The following RB1CC1 variants were observed in gnomAD, a reference collection of about 807,000 sequenced individuals.
RB1CC1 encodes the protein RB1 inducible coiled-coil 1, also known as RB1-inducible coiled-coil protein 1.
Under a neutral mutation model 177.5 loss-of-function variants are expected in RB1CC1, and 46 were observed. That is an observed-to-expected ratio of 0.26 (90% CI 0.20 to 0.33). The LOEUF is 0.33. Ranked by LOEUF, RB1CC1 falls within the 10% of genes least tolerant of loss-of-function variation. RB1CC1 has a pLI of 1.00. For synonymous variants in RB1CC1, 666 were observed against 613.6 expected (o/e 1.09, Z -1.26); for missense variants, 1,703 against 1,816.3 (o/e 0.94, Z 1.13).
At chr8:52,691,885 T>C (rs117499094) in intron 1 of RB1CC1, among the ~76,000 whole-genome samples, 1 of 152,218 alleles carries the variant, frequency 6.6e-6, no homozygotes, top group Non-Finnish European at 1.5e-5. Flanking sequence ...TTCCTCCACA[T>C]GTCCTAAGTA....
Position 52,660,979 on chromosome 8 carries a change from T to C in RB1CC1, c.1574A>G (p.Lys525Arg). Residue 525 changes from lysine to arginine, a missense_variant, in exon 11 of 24, where the codon AAG becomes AGG. Physicochemically the swap from Lys to Arg is conservative, Grantham distance 26. Coordinates refer to ENST00000025008, the MANE Select transcript of RB1CC1 (RefSeq NM_014781.5). ...TGATTTTTCTGCTTCATATAATCTC[T>C]TTCCATCTTTGACTAAAGCACCAGC... ...EWAGALVKDG[K>R]RLYEAEKSKR... 1 of 1,613,558 alleles carries C rather than the reference T, an allele frequency of 6.2e-7. No individual in the cohort carries two copies. The highest frequency in any genetic ancestry group is 8.5e-7 in the Non-Finnish European group (1 of 1,179,716).
At chr8:52,707,271 T>C (rs1386959821) in intron 1 of RB1CC1, among the ~76,000 whole-genome samples, 1 of 152,186 alleles carries the variant, frequency 6.6e-6, no homozygotes, top group Non-Finnish European at 1.5e-5. Context: ...ATGCTTCATA[T>C]TTCCAGCTGG....
chr8:52,641,162 T>C (rs1849537677), intron 18 of RB1CC1, among the ~76,000 whole-genome samples: 1 of 151,888 alleles, frequency 6.6e-6, no homozygotes, highest in African/African-American at 2.4e-5. Context: ...GGTGAGTGGA[T>C]CACCTGAGGT....
chr8:52,664,274 A>C lies in RB1CC1; in HGVS notation c.1174-2555T>G, dbSNP rs527358035. Among the ~76,000 whole-genome samples, 4 of 152,248 alleles carry C rather than the reference A, an allele frequency of 2.6e-5. No homozygotes were observed. The South Asian group carries it at 8.3e-4, about 32-fold the overall frequency. On this transcript the variant is annotated intron_variant, in intron 8 of 23. Coordinates refer to ENST00000025008, the MANE Select transcript of RB1CC1 (RefSeq NM_014781.5). ...AGGCACACTCAATTGAAAACTGTCTACCTTGGGGTCTATATTTCTGTCTTA... is the reference window on the plus strand; with the variant it reads ...AGGCACACTCAATTGAAAACTGTCTCCCTTGGGGTCTATATTTCTGTCTTA...
At chr8:52,645,598 A>G (rs1450500728) in intron 16 of RB1CC1, 104 bp downstream of exon 16, 9 of 1,155,624 alleles carry the variant, frequency 7.8e-6, no homozygotes, top group Non-Finnish European at 1.1e-5. Context: ...AAGGAACATC[A>G]CATCTAAGAT....
chr8:52,645,792 T>C lies in RB1CC1; in HGVS notation c.3897A>G (p.Lys1299=), dbSNP rs937925998. 6 of 1,610,978 alleles carry C rather than the reference T, an allele frequency of 3.7e-6. No individual in the cohort carries two copies. In the African/African-American group the frequency reaches 8.0e-5, roughly 22 times the overall value. ...CTTCAAGTTGTTCTAGAAACTTAGC[T>C]TTTTCTTCCTGAAGCTTTTCTTGAA... The part of the protein sequence containing the change: ...AELQEKLQEE[K]AKFLEQLEEQ... The change falls in exon 16 of 24, where the codon AAA becomes AAG. Residue 1299 remains lysine, a synonymous_variant. Coordinates refer to ENST00000025008, the MANE Select transcript of RB1CC1 (RefSeq NM_014781.5).
chr8:52,664,473 A>G (rs1272332453), intron 8 of RB1CC1, among the ~76,000 whole-genome samples: 1 of 152,216 alleles, frequency 6.6e-6, no homozygotes, highest in East Asian at 1.9e-4. Context: ...TTCTAAAAGT[A>G]ACAATATTAC....
intron 7 of RB1CC1, among the ~76,000 whole-genome samples, chr8:52,672,882 G>C (rs550107530): frequency 6.6e-6 from 1 of 152,240 alleles, no homozygotes; most frequent in African/African-American, 2.4e-5. Context: ...ATTCATTTTT[G>C]GCAGTGATCA....
At chr8:52,647,607 G>C (rs1311177503) in intron 15 of RB1CC1, among the ~76,000 whole-genome samples, 2 of 152,268 alleles carry the variant, frequency 1.3e-5, no homozygotes, top group Non-Finnish European at 2.9e-5. Context: ...AAAGAATCCT[G>C]CTTGGCCGAT....
At chr8:52,635,045 T>A in intron 19 of RB1CC1, 77 bp from the exon 20 acceptor site, 3 of 1,315,232 alleles carry the variant, frequency 2.3e-6, no homozygotes, top group East Asian at 2.5e-5. Flanking sequence ...TGTCAAAGTT[T>A]TCATCAGACA....
chr8:52,714,435 C>G lies in RB1CC1; in HGVS notation c.-527G>C, dbSNP rs1464338074. 1.3e-5 allele frequency: 2 copies of G among 152,306 alleles called. No individual in the cohort carries two copies. The highest frequency in any genetic ancestry group is 6.5e-5 in the Admixed American group (1 of 15,288). The allele number at this position is 152,306 out of a possible 1,614,324, so 9.4% of individuals were successfully genotyped here. A position where few individuals can be genotyped will look rare whatever the true frequency, so the allele number is the denominator to read the frequency against. On this transcript the variant is annotated 5_prime_UTR_variant, in exon 1 of 24. Transcript: ENST00000025008. ...CGGCTTGGTTTGTTATTGTCGACTCCGTCTCTTCCTCCGCGGCGCATGCCG... is the reference window on the plus strand; with the variant it reads ...CGGCTTGGTTTGTTATTGTCGACTCGGTCTCTTCCTCCGCGGCGCATGCCG...
rs558743173 is a variant in RB1CC1, at chr8:52,685,667, T to C, written c.-51-147A>G. 1.3e-4 allele frequency: 53 copies of C among 397,062 alleles called. 2 individuals are homozygous for C. The South Asian group carries it at 4.6e-3, about 34-fold the overall frequency. 24.6% of individuals were successfully genotyped at this position (397,062 alleles called of 1,614,324 possible). ...TGTCTAGGATGGCTAACTGGATAGTTCAGTAAACTCAATGCTTAAAAAAAA... is the reference window on the plus strand; with the variant it reads ...TGTCTAGGATGGCTAACTGGATAGTCCAGTAAACTCAATGCTTAAAAAAAA... On this transcript the variant is annotated intron_variant, in intron 2 of 23. Transcript: ENST00000025008.
chr8:52,671,881 G>C (rs1363264589), intron 7 of RB1CC1, among the ~76,000 whole-genome samples: 1 of 151,706 alleles, frequency 6.6e-6, no homozygotes, highest in African/African-American at 2.4e-5. Context: ...AAATCTAATG[G>C]GCATATACAA....
intron 15 of RB1CC1, among the ~76,000 whole-genome samples, chr8:52,646,069 T>C (rs1186129087): frequency 6.6e-6 from 1 of 152,112 alleles, no homozygotes; most frequent in Non-Finnish European, 1.5e-5. Flanking sequence ...ACTAACAAGG[T>C]TTACTGATTT....
At chr8:52,639,416 T>C (rs934891781) in intron 18 of RB1CC1, among the ~76,000 whole-genome samples, 2 of 152,168 alleles carry the variant, frequency 1.3e-5, no homozygotes, top group Admixed American at 6.5e-5. Context: ...AATTCTAATA[T>C]GTCTTTAGGT....
intron 5 of RB1CC1, among the ~76,000 whole-genome samples, chr8:52,680,582 A>G (rs756388381): frequency 6.6e-6 from 1 of 152,238 alleles, no homozygotes; most frequent in Non-Finnish European, 1.5e-5. Context: ...ACAGTAGTCA[A>G]AAGAATGTAC....
At chr8:52,684,190 G>A (rs1854032759) in intron 3 of RB1CC1, among the ~76,000 whole-genome samples, 177 bp from the exon 4 acceptor site, 1 of 152,088 alleles carries the variant, frequency 6.6e-6, no homozygotes. Context: ...CATAACAACT[G>A]GCTGATCTTA....
At position 52,657,817 on chromosome 8, in the gene RB1CC1, G is replaced by A. The variant is rs1271345895; in HGVS notation, c.2012C>T (p.Pro671Leu). Reference protein sequence around the residue: ...GITTTTSPRTPPPLTVQDPLC... With the variant: ...GITTTTSPRTLPPLTVQDPLC... Reference sequence around the variant, plus strand: ...GGGATCCTGAACAGTCAGTGGTGGAGGAGTTCTCGGTGAGGTAGTAGTTGT... The same window carrying A: ...GGGATCCTGAACAGTCAGTGGTGGAAGAGTTCTCGGTGAGGTAGTAGTTGT... Residue 671 changes from proline (P) to leucine (L), a missense_variant, in exon 15 of 24, where the codon CCT becomes CTT. Transcript: ENST00000025008. 6.2e-7 allele frequency: 1 copy of A among 1,614,020 alleles called. No homozygotes were observed. The highest frequency in any genetic ancestry group is 1.1e-5 in the South Asian group (1 of 91,066).
At position 52,656,422 on chromosome 8, in the gene RB1CC1, C is replaced by A. The variant is rs1254237636; in HGVS notation, c.3407G>T (p.Cys1136Phe). The A allele has an allele frequency of 6.2e-7, 1 of 1,611,616 alleles. No homozygotes were observed. The highest frequency in any genetic ancestry group is 1.7e-5 in the Admixed American group (1 of 59,684). Residue 1136 changes from cysteine to phenylalanine, a missense_variant, in exon 15 of 24, where the codon TGT (cysteine) becomes TTT (phenylalanine). Physicochemically the swap from Cys to Phe is radical, Grantham distance 205. Transcript: ENST00000025008. ...ATGTCTACTAATTAACTCGGAAATACACTGATCTTTTTCAATTGTCATTAA... is the reference window on the plus strand; with the variant it reads ...ATGTCTACTAATTAACTCGGAAATAAACTGATCTTTTTCAATTGTCATTAA... ...RTLMTIEKDQCISELISRHEE... is the reference protein window; with the variant it reads ...RTLMTIEKDQFISELISRHEE...
Sources: gnomAD v4.1 joint callset for allele counts (sites outside exome capture counted in the v4.1 genomes callset) on GRCh38, gnomAD v4.1.1 for gene constraint, MANE v1.5 for transcripts, NCBI Gene and HGNC (gene_info 2026-07-23, HGNC 2026-07-21) for gene names.